The following ANKRD2 variants were observed in gnomAD, a reference collection of about 807,000 sequenced individuals.
ANKRD2 encodes the protein ankyrin repeat domain-containing protein 2.
A neutral mutation model predicts 37.3 loss-of-function variants in ANKRD2; 35 were observed. The observed-to-expected ratio is 0.94, with a 90% CI of 0.72 to 1.24. The LOEUF is 1.24. Among genes scored for constraint, ANKRD2 ranks in the 50% most tolerant of loss-of-function variants. The probability of loss-of-function intolerance (pLI) is 0.00; values close to 1 mark genes in which losing one functional copy is unlikely to be tolerated. For missense variants in ANKRD2, 410 were observed against 445.6 expected (o/e 0.92, Z 0.72); for synonymous variants, 159 against 186.5 (o/e 0.85, Z 1.20).
chr10:97,581,268 A>G lies in ANKRD2; in HGVS notation c.556-48A>G, dbSNP rs1172498865. ...TGGCTGGGGTACATTACCCCCGAAT[A>G]CTTTCTTCCCTGCAGCTCTGTAGTT... On this transcript the variant is annotated intron_variant, in intron 5 of 8. Coordinates refer to ENST00000370655, the MANE Select transcript of ANKRD2 (RefSeq NM_001346793.2). 4.4e-6 allele frequency: 7 copies of G among 1,578,742 alleles called. No individual in the cohort carries two copies. The South Asian group carries it at 4.5e-5, about 10-fold the overall frequency.
At chr10:97,578,144 G>GGCCCCCCCCCCCCC in intron 2 of ANKRD2, 96 bp from the exon 3 acceptor site, 4 of 685,424 alleles carry the variant, frequency 5.8e-6, no homozygotes, top group Non-Finnish European at 7.5e-6. Flanking sequence ...GGGTCTTCCT[G>GGCCCCCCCCCCCCC]CCCACCCCAC....
At chr10:97,581,948 CAT>C (rs1449481901) in intron 6 of ANKRD2, among the ~76,000 whole-genome samples, 2 of 152,200 alleles carry the variant, frequency 1.3e-5, no homozygotes, top group Admixed American at 1.3e-4. Context: ...GGTGGGAAAA[CAT>C]GTGTAAATGA....
intron 5 of ANKRD2, 31 bp downstream of exon 5, chr10:97,580,984 ACAGGAGGTGGGTC>A (rs1564751311): frequency 1.1e-5 from 17 of 1,545,474 alleles, no homozygotes; most frequent in Non-Finnish European, 1.5e-5. Context: ...TCAATGGGAG[ACAGGAGGTGGGTC>A]CAGCACTGAC....
chr10:97,574,036 T>C (rs541497138), intron 1 of ANKRD2, among the ~76,000 whole-genome samples: 1 of 151,810 alleles, frequency 6.6e-6, no homozygotes, highest in Non-Finnish European at 1.5e-5. Context: ...TCCCAGCATT[T>C]TGAGATCTGA....
At chr10:97,578,143 T>TTG in intron 2 of ANKRD2, 97 bp from the exon 3 acceptor site, 32 of 755,856 alleles carry the variant, frequency 4.2e-5, no homozygotes, top group East Asian at 5.4e-5. Context: ...AGGGTCTTCC[T>TTG]GCCCACCCCA....
In ANKRD2 at chr10:97,572,893, G is replaced by C; in HGVS notation, c.87+18G>C. On this transcript the variant is annotated intron_variant, in intron 1 of 8. Coordinates refer to ENST00000370655, the MANE Select transcript of ANKRD2 (RefSeq NM_001346793.2). ...AGAATGAGGTGCGAGCAGGGGTGGAGGTGCCCAAGGGGGTCTGAGGAGATC... is the reference window on the plus strand; with the variant it reads ...AGAATGAGGTGCGAGCAGGGGTGGACGTGCCCAAGGGGGTCTGAGGAGATC... The C allele has an allele frequency of 6.5e-7, 1 of 1,549,098 alleles. No individual in the cohort carries two copies.
In ANKRD2 at chr10:97,578,395, G is replaced by T; in HGVS notation, c.345G>T (p.Glu115Asp). ...ATGAGCCGCCCCCAGAGCCCGAGGA[G>T]ATCGTAAGGGTCCTGGGGAGGACAC... ...ASHEPPPEPEEITGPVDEETF... is the reference protein window; with the variant it reads ...ASHEPPPEPEDITGPVDEETF... Residue 115 changes from glutamate (E) to aspartate (D), a missense_variant, in exon 3 of 9, where the codon GAG becomes GAT. Transcript: ENST00000370655. 1 of 1,613,752 alleles carries T rather than the reference G, an allele frequency of 6.2e-7. No individual in the cohort carries two copies. The highest frequency in any genetic ancestry group is 2.2e-5 in the East Asian group (1 of 44,848).
At chr10:97,577,479 T>G (rs1331711671) in intron 1 of ANKRD2, among the ~76,000 whole-genome samples, 1 of 152,202 alleles carries the variant, frequency 6.6e-6, no homozygotes, top group Non-Finnish European at 1.5e-5. Context: ...ATAATCTTGG[T>G]GCTTGAAAGA....
At chr10:97,581,444 T>G in intron 6 of ANKRD2, 30 bp downstream of exon 6, 2 of 1,608,354 alleles carry the variant, frequency 1.2e-6, no homozygotes, top group Non-Finnish European at 1.7e-6. Context: ...AAGCAACAGA[T>G]ATTGGGGTGG....
chr10:97,572,857 A>G lies in ANKRD2; in HGVS notation c.69A>G (p.Ala23=). 6.4e-7 allele frequency: 1 copy of G among 1,554,192 alleles called. No homozygotes were observed. The highest frequency in any genetic ancestry group is 8.7e-7 in the Non-Finnish European group (1 of 1,148,694). ...CAGCGCTCATCGAGCAGCGGCTGGCACAGGAGGAGGAGAATGAGGTGCGAG... is the reference window on the plus strand; with the variant it reads ...CAGCGCTCATCGAGCAGCGGCTGGCGCAGGAGGAGGAGAATGAGGTGCGAG... ...RATALIEQRL[A]QEEENEKLRG... The change falls in exon 1 of 9, where the codon GCA becomes GCG. Residue 23 remains alanine, a synonymous_variant. Transcript: ENST00000370655.
chr10:97,578,455 G>A, intron 3 of ANKRD2, 43 bp from the exon 4 acceptor site: 1 of 1,603,450 alleles, frequency 6.2e-7, no homozygotes, highest in Non-Finnish European at 8.5e-7. Flanking sequence ...GGGAGGCTTC[G>A]GATTGCTGGG....
rs1248548932 is a variant in ANKRD2, at chr10:97,578,233, C to G, written c.190-7C>G. The G allele has an allele frequency of 6.2e-6, 10 of 1,610,352 alleles. No individual in the cohort carries two copies. The highest frequency in any genetic ancestry group is 7.6e-6 in the Non-Finnish European group (9 of 1,178,670). The stretch of plus-strand genomic sequence containing the variant: ...GGCCTGGGGGGTTGATGGGCCATCC[C>G]GCGCAGGGCCAAGAGCGCGTGCGCA... On this transcript the variant is annotated splice_region_variant and splice_polypyrimidine_tract_variant and intron_variant, in intron 2 of 8. Coordinates refer to ENST00000370655, the MANE Select transcript of ANKRD2 (RefSeq NM_001346793.2).
At chr10:97,581,038 C>T (rs1322835832) in intron 5 of ANKRD2, 85 bp downstream of exon 5, 9 of 1,286,828 alleles carry the variant, frequency 7.0e-6, no homozygotes, top group Non-Finnish European at 9.8e-6. Context: ...CTGTGCCAAC[C>T]TGAAGCATAA....
chr10:97,581,069 A>T (rs2040892258), intron 5 of ANKRD2, 116 bp downstream of exon 5: 1 of 968,880 alleles, frequency 1.0e-6, no homozygotes, highest in Middle Eastern at 2.2e-4. Context: ...CAGGTGCCAG[A>T]CTCCACCTCA....
Position 97,582,658 on chromosome 10 carries a change from A to G in ANKRD2, c.808A>G (p.Lys270Glu). The G allele has an allele frequency of 2.5e-6, 4 of 1,614,144 alleles. No individual in the cohort carries two copies. The highest frequency in any genetic ancestry group is 2.5e-6 in the Non-Finnish European group (3 of 1,180,014). ...GAGGCTCAACCGCTACAAAATCATC[A>G]AACTGCTGCTCCTGCATGGGGCTGA... Reference protein sequence around the residue: ...AVRLNRYKIIKLLLLHGADMM... With the variant: ...AVRLNRYKIIELLLLHGADMM... Residue 270 changes from lysine to glutamate, a missense_variant, in exon 8 of 9, where the codon AAA becomes GAA. Physicochemically the swap from Lys to Glu is moderately conservative, Grantham distance 56. Coordinates refer to ENST00000370655, the MANE Select transcript of ANKRD2 (RefSeq NM_001346793.2).
chr10:97,581,084 C>A, intron 5 of ANKRD2, 131 bp downstream of exon 5: 1 of 875,968 alleles, frequency 1.1e-6, no homozygotes, highest in Non-Finnish European at 1.8e-6. Flanking sequence ...ACCTCAGTGG[C>A]TTATGTGACC....
intron 7 of ANKRD2, 80 bp from the exon 8 acceptor site, chr10:97,582,524 G>T (rs1410255884): frequency 6.4e-7 from 1 of 1,570,430 alleles, no homozygotes; most frequent in Non-Finnish European, 8.8e-7. Flanking sequence ...CTCCTGAGCA[G>T]GGTCTCCAGC....
rs760784012 is a variant in ANKRD2, at chr10:97,582,677, G to C, written c.827G>C (p.Gly276Ala). The change falls in exon 8 of 9, where the codon GGG (glycine) becomes GCG (alanine). Residue 276 changes from glycine (G) to alanine (A), a missense_variant. Coordinates refer to ENST00000370655, the MANE Select transcript of ANKRD2 (RefSeq NM_001346793.2). ...ATCATCAAACTGCTGCTCCTGCATGGGGCTGACATGATGACCAAGAACCTG... is the reference window on the plus strand; with the variant it reads ...ATCATCAAACTGCTGCTCCTGCATGCGGCTGACATGATGACCAAGAACCTG... ...YKIIKLLLLH[G>A]ADMMTKNLAG... 6.2e-7 allele frequency: 1 copy of C among 1,614,150 alleles called. No homozygotes were observed. The highest frequency in any genetic ancestry group is 8.5e-7 in the Non-Finnish European group (1 of 1,180,016).
chr10:97,582,594 C>T lies in ANKRD2; in HGVS notation c.754-10C>T, dbSNP rs1303369244. The T allele has an allele frequency of 6.2e-7, 1 of 1,613,232 alleles. No individual in the cohort carries two copies. The highest frequency in any genetic ancestry group is 8.5e-7 in the Non-Finnish European group (1 of 1,179,280). ...CACAAGGGCCATAGTGAGTGCCACA[C>T]TGACTCTAGGAAGGGGATACTGCCC... is the stretch of plus-strand genomic sequence containing the variant. On this transcript the variant is annotated splice_polypyrimidine_tract_variant and intron_variant, in intron 7 of 8. Transcript: ENST00000370655.
Sources: allele counts gnomAD v4.1 joint callset (sites outside exome capture counted in the v4.1 genomes callset), GRCh38; gene constraint gnomAD v4.1.1; transcripts MANE v1.5; gene names NCBI Gene and HGNC (gene_info 2026-07-23, HGNC 2026-07-21).